The following PCSK4 variants were observed in gnomAD, a reference collection of about 807,000 sequenced individuals.
PCSK4 encodes testicular tissue protein Li 135.
In PCSK4, 64 loss-of-function variants were observed where a neutral mutation model predicts 80.3. That is an observed-to-expected ratio of 0.80 (90% CI 0.65 to 0.98). PCSK4 has a LOEUF of 0.98. PCSK4 is among the 50% of genes least tolerant of loss of function. The pLI, the probability that PCSK4 is intolerant of heterozygous loss-of-function variation, is 0.00. For synonymous variants in PCSK4, 561 were observed against 487.6 expected (o/e 1.15, Z -1.98); for missense variants, 1,213 against 1,093.6 (o/e 1.11, Z -1.54).
chr19:1,484,037 G>C (rs975220940), exon 9 of PCSK4: 1 of 1,547,662 alleles, frequency 6.5e-7, no homozygotes, highest in African/African-American at 1.4e-5. Context: ...TTGGCCTCCA[G>C]CGCTAGGGCG....
rs766741880 is a variant in PCSK4, at chr19:1,482,039, G to A, written c.1988C>T (p.Ser663Phe). 2.6e-6 allele frequency: 4 copies of A among 1,562,288 alleles called. No individual in the cohort carries two copies. In the South Asian group the frequency reaches 3.5e-5, roughly 14 times the overall value. The change falls in exon 15 of 15, where the codon TCC becomes TTC. Residue 663 changes from serine (S) to phenylalanine (F), a missense_variant. Ser to Phe is a radical substitution (Grantham distance 155). Coordinates refer to ENST00000300954, the Ensembl canonical transcript of PCSK4. Reference sequence around the variant, plus strand: ...GGGACAGGAGGTGCAGTCCCTCGGGGAGCCGCCGCGGCAGGTGTAGCAGGA... The same window carrying A: ...GGGACAGGAGGTGCAGTCCCTCGGGAAGCCGCCGCGGCAGGTGTAGCAGGA...
exon 15 of PCSK4, chr19:1,481,727 C>T (rs368872756): frequency 1.4e-5 from 20 of 1,439,224 alleles, no homozygotes; most frequent in African/African-American, 1.1e-4. Flanking sequence ...GGGACCCAGG[C>T]GGGGGCAAGG....
At chr19:1,489,768 G>A (rs750556534) in intron 2 of PCSK4, 25 bp downstream of exon 2, 2 of 1,593,358 alleles carry the variant, frequency 1.3e-6, no homozygotes, top group Non-Finnish European at 1.7e-6. Flanking sequence ...CCCGGGCAGG[G>A]GGTTGGCCTC....
In PCSK4 at chr19:1,490,250, TG is replaced by T. The variant is rs749478890; in HGVS notation, c.96del (p.Ile33SerfsTer51). The stretch of plus-strand genomic sequence containing the variant: ...TGGACGGCCCAGCTGCTGACATAGA[TG>T]GGGGCTCGGACCGGGGCCCACCCCA... On this transcript the variant is annotated frameshift_variant, in exon 1 of 15. Transcript: ENST00000300954. LOFTEE classifies it high-confidence loss of function. 6.2e-7 allele frequency: 1 copy of T among 1,611,380 alleles called. No individual in the cohort carries two copies. The highest frequency in any genetic ancestry group is 1.1e-5 in the South Asian group (1 of 90,834).
chr19:1,483,856 T>C (rs1487099121), exon 10 of PCSK4: 1 of 1,495,970 alleles, frequency 6.7e-7, no homozygotes, highest in Middle Eastern at 2.2e-4. Flanking sequence ...CCCACGCCGT[T>C]GGTCCTCCAG....
At chr19:1,482,097 G>C in exon 15 of PCSK4, 1 of 1,550,044 alleles carries the variant, frequency 6.5e-7, no homozygotes, top group Non-Finnish European at 8.7e-7. Flanking sequence ...CTCAGCGCGG[G>C]CGCCGCCGTG....
intron 9 of PCSK4, 24 bp downstream of exon 9, chr19:1,484,003 G>T: frequency 6.6e-7 from 1 of 1,512,174 alleles, no homozygotes; most frequent in Non-Finnish European, 8.9e-7. Flanking sequence ...CGAGGGCGGT[G>T]GACCGGGCCC....
exon 7 of PCSK4, chr19:1,487,259 C>G (rs139666108): frequency 2.5e-6 from 4 of 1,603,440 alleles, no homozygotes; most frequent in Non-Finnish European, 3.4e-6. Flanking sequence ...CGGCTGCAGG[C>G]TCAGCGACTG....
exon 15 of PCSK4, chr19:1,481,801 G>A: frequency 6.6e-7 from 1 of 1,522,406 alleles, no homozygotes; most frequent in South Asian, 1.3e-5. Context: ...TGGTGGGGGT[G>A]GCCCTGGCAC....
Position 1,483,274 on chromosome 19 carries a change from G to T in PCSK4, c.1571+10C>A. ...ATGAGGCCGCCCCCTCTCCTCTGCG[G>T]GCCGCTCACCGTATGGCCACGAGTG... On this transcript the variant is annotated intron_variant, in intron 12 of 14. Transcript: ENST00000300954. 1 of 1,567,348 alleles carries T rather than the reference G, an allele frequency of 6.4e-7. No individual in the cohort carries two copies.
chr19:1,486,324 TCTCA>T (rs2084607398), intron 8 of PCSK4, among the ~76,000 whole-genome samples: 1 of 149,016 alleles, frequency 6.7e-6, no homozygotes, highest in Non-Finnish European at 1.5e-5. Context: ...TGAGACGGAG[TCTCA>T]CTCTGTCGCC....
chr19:1,481,891 C>G (rs1407592482), exon 15 of PCSK4: 2 of 1,595,094 alleles, frequency 1.3e-6, no homozygotes, highest in African/African-American at 1.3e-5. Context: ...CCAGGAGGCT[C>G]AGCACCATGG....
At chr19:1,485,654 G>A (rs879918375) in intron 8 of PCSK4, among the ~76,000 whole-genome samples, 9 of 151,698 alleles carry the variant, frequency 5.9e-5, no homozygotes, top group Non-Finnish European at 1.2e-4. Flanking sequence ...GGCGGATCAC[G>A]AGGTCAGGAG....
rs2084700493 is a variant in PCSK4, at chr19:1,487,606, C to T, written c.679G>A (p.Gly227Arg). The T allele has an allele frequency of 4.5e-6, 7 of 1,550,496 alleles. No homozygotes were observed. Among genetic ancestry groups the T allele is most frequent in the South Asian group, 2.4e-5 (2 of 84,126 alleles). The change falls in exon 6 of 15, where the codon GGA (glycine) becomes AGA (arginine). Residue 227 changes from glycine (G) to arginine (R), a missense_variant. Coordinates refer to ENST00000300954, the Ensembl canonical transcript of PCSK4. ...GCCGCTGGGGGACCCCGGGTACCTC[C>T]GATTCGGGCGTTGAAAGCGACCCCC...
At chr19:1,481,718 G>T in exon 15 of PCSK4, 1 of 1,371,506 alleles carries the variant, frequency 7.3e-7, no homozygotes, top group Non-Finnish European at 9.8e-7. Flanking sequence ...TGCCTGTCAG[G>T]GACCCAGGCG....
chr19:1,487,252 C>G, exon 7 of PCSK4: 1 of 1,604,524 alleles, frequency 6.2e-7, no homozygotes, highest in Non-Finnish European at 8.5e-7. Flanking sequence ...TGTGCTGCGG[C>G]TGCAGGCTCA....
exon 15 of PCSK4, chr19:1,481,898 A>T: frequency 6.3e-7 from 1 of 1,595,322 alleles, no homozygotes. Context: ...GCTCAGCACC[A>T]TGGCCGAGGC....
Position 1,482,328 on chromosome 19 carries a change from T to TG in PCSK4, c.1819+24dup, listed in dbSNP as rs777754509. ...GGTGGCCGCCACCGCCTCCCAGCAG[T>TG]GGGCCCTGCCCCGCCGGCACTCACC... On this transcript the variant is annotated intron_variant, in intron 14 of 14. Transcript: ENST00000300954. 2.5e-5 allele frequency: 38 copies of TG among 1,535,770 alleles called. No homozygotes were observed. The Admixed American group carries it at 7.5e-4, about 30-fold the overall frequency.
rs369425876 is a variant in PCSK4, at chr19:1,483,610, C to T, written c.1391+40G>A. 9.0e-5 allele frequency: 135 copies of T among 1,500,282 alleles called. 1 individual carries two copies. In the African/African-American group the frequency reaches 1.6e-3, roughly 18 times the overall value. 92.9% of individuals were successfully genotyped at this position (1,500,282 alleles called of 1,614,324 possible). On this transcript the variant is annotated intron_variant, in intron 11 of 14. Transcript: ENST00000300954. Reference sequence around the variant, plus strand: ...TGAGGCCTCAGGCCTGTCCCCCACACCCCCAGCGGGGATAGCGGAGGGGCG... The same window carrying T: ...TGAGGCCTCAGGCCTGTCCCCCACATCCCCAGCGGGGATAGCGGAGGGGCG...
Sources: gnomAD v4.1 joint callset for allele counts (sites outside exome capture counted in the v4.1 genomes callset) on GRCh38, gnomAD v4.1.1 for gene constraint, MANE v1.5 for transcripts, NCBI Gene and HGNC (gene_info 2026-07-23, HGNC 2026-07-21) for gene names.